AFF1: variants seen among roughly 807,000 people sequenced by gnomAD.
The protein encoded by AFF1 is AF4/FMR2 family member 1.
Under a neutral mutation model 121.7 loss-of-function variants are expected in AFF1, and 48 were observed. The observed-to-expected ratio is 0.39, with a 90% CI of 0.31 to 0.50. The LOEUF (loss-of-function observed/expected upper bound fraction) is 0.50, where lower values mean the gene tolerates loss of function less well. AFF1 is among the 20% of genes least tolerant of loss of function. AFF1 has a pLI of 0.76. For synonymous variants in AFF1, 613 were observed against 563.0 expected (o/e 1.09, Z -1.26); for missense variants, 1,523 against 1,511.7 (o/e 1.01, Z -0.12).
chr4:86,961,777 C>A lies in AFF1; in HGVS notation c.38+13206C>A, dbSNP rs182900785. ...TGAGATGATGTGTGCTCTCTCAGAG[C>A]ACTTTGTGGTCTGTTACAGCATTGC... On this transcript the variant is annotated intron_variant, in intron 2 of 20. Transcript: ENST00000395146. 7.7e-4 allele frequency among the ~76,000 whole-genome samples: 117 copies of A among 152,170 alleles called. 1 individual carries two copies. The South Asian group carries it at 0.012, about 15-fold the overall frequency.
intron 2 of AFF1, among the ~76,000 whole-genome samples, chr4:87,013,666 C>CTTTT (rs11322791): frequency 7.4e-6 from 1 of 135,366 alleles, no homozygotes; most frequent in African/African-American, 2.7e-5. Flanking sequence ...AAGATCTTAC[C>CTTTT]TTTTTTTTTT....
intron 1 of AFF1, among the ~76,000 whole-genome samples, chr4:86,938,449 C>CAAAA (rs35867614): frequency 3.0e-5 from 3 of 100,068 alleles, no homozygotes; most frequent in South Asian, 3.6e-4. Flanking sequence ...GACTCCGTCT[C>CAAAA]AAAAAAAAAA....
intron 2 of AFF1, among the ~76,000 whole-genome samples, chr4:86,964,738 T>C (rs762143574): frequency 7.2e-5 from 11 of 152,326 alleles, no homozygotes; most frequent in Non-Finnish European, 1.6e-4. Flanking sequence ...CCGGCTGTTA[T>C]ATACATCCTT....
chr4:87,016,411 CGTG>C (rs1169057739), intron 2 of AFF1, among the ~76,000 whole-genome samples: 1 of 151,636 alleles, frequency 6.6e-6, no homozygotes, highest in Admixed American at 6.6e-5. Context: ...ATTAGCCAGA[CGTG>C]GTGGCGGGCG....
intron 2 of AFF1, among the ~76,000 whole-genome samples, chr4:87,039,110 A>C (rs577472098): frequency 2.0e-5 from 3 of 152,238 alleles, no homozygotes; most frequent in Non-Finnish European, 4.4e-5. Context: ...TACCAGAGCC[A>C]ACACACTGCC....
At chr4:86,954,426 G>A (rs1220050536) in intron 2 of AFF1, among the ~76,000 whole-genome samples, 1 of 152,144 alleles carries the variant, frequency 6.6e-6, no homozygotes, top group Non-Finnish European at 1.5e-5. Flanking sequence ...AAAAGAAAAT[G>A]TTATTAAAAT....
intron 2 of AFF1, chr4:87,007,130 C>G (rs1726216519): frequency 2.4e-6 from 3 of 1,268,354 alleles, no homozygotes; most frequent in African/African-American, 1.6e-5. Context: ...GCCCCGGATT[C>G]GGACGCGGCG....
intron 2 of AFF1, among the ~76,000 whole-genome samples, chr4:86,957,628 T>C (rs2149462941): frequency 6.6e-6 from 1 of 152,146 alleles, no homozygotes; most frequent in African/African-American, 2.4e-5. Context: ...CTGCAACCTC[T>C]GCCTCTTGGG....
rs139454564 is a variant in AFF1 at position 86,953,377 on chromosome 4, T to C, written c.38+4806T>C. On this transcript the variant is annotated intron_variant, in intron 2 of 20. Transcript: ENST00000395146. ...AACTGGTCCAGGACTAGGATATATT[T>C]GCAAAGGAAACAGATGTGTATTGAG... Among the ~76,000 whole-genome samples the C allele has an allele frequency of 2.5e-3, 385 of 152,354 alleles. 5 individuals are homozygous for C. The highest frequency in any genetic ancestry group is 8.1e-3 in the African/African-American group (335 of 41,574).
chr4:86,965,804 C>T (rs1722496824), intron 2 of AFF1, among the ~76,000 whole-genome samples: 1 of 152,078 alleles, frequency 6.6e-6, no homozygotes, highest in East Asian at 1.9e-4. Flanking sequence ...TTCATTGCAC[C>T]CCTGTCCCTC....
chr4:86,999,651 G>A (rs193266729), intron 2 of AFF1, among the ~76,000 whole-genome samples: 3 of 152,342 alleles, frequency 2.0e-5, no homozygotes, highest in Admixed American at 2.0e-4. Flanking sequence ...GTACAAGACA[G>A]CATTTAGATT....
chr4:87,090,140 AGATT>A, intron 6 of AFF1, 70 bp downstream of exon 6: 1 of 1,224,926 alleles, frequency 8.2e-7, no homozygotes, highest in Non-Finnish European at 1.2e-6. Flanking sequence ...GCTGTGAGGC[AGATT>A]GATAAAGTAT....
chr4:87,110,762 A>G (rs1726414922), intron 11 of AFF1, among the ~76,000 whole-genome samples: 1 of 152,168 alleles, frequency 6.6e-6, no homozygotes, highest in Admixed American at 6.5e-5. Flanking sequence ...TCTCAAATAT[A>G]CTAACTTTTG....
chr4:86,998,098 C>CAAAAAAAAAAAAAAAAAAAA (rs56741955), intron 2 of AFF1, among the ~76,000 whole-genome samples: 10 of 91,754 alleles, frequency 1.1e-4, no homozygotes, highest in South Asian at 4.0e-4. Context: ...AACTCCGTCT[C>CAAAAAAAAAAAAAAAAAAAA]AAAAAAAAAA....
chr4:87,086,309 C>T (rs1298549232), intron 5 of AFF1, among the ~76,000 whole-genome samples: 2 of 152,068 alleles, frequency 1.3e-5, no homozygotes, highest in African/African-American at 4.8e-5. Flanking sequence ...GTCAGATGCT[C>T]CTCTTAGGTT....
intron 2 of AFF1, among the ~76,000 whole-genome samples, chr4:87,012,461 CTT>C (rs897912989): frequency 6.6e-6 from 1 of 152,052 alleles, no homozygotes; most frequent in African/African-American, 2.4e-5. Context: ...AGTATAATCT[CTT>C]TGTTGTGGTT....
At chr4:87,032,533 A>G (rs1729178156) in intron 2 of AFF1, among the ~76,000 whole-genome samples, 1 of 152,220 alleles carries the variant, frequency 6.6e-6, no homozygotes, top group African/African-American at 2.4e-5. Flanking sequence ...TGCTTTGTGT[A>G]ATATGCAAAT....
chr4:86,948,624 T>C, intron 2 of AFF1, 53 bp downstream of exon 2: 1 of 1,488,238 alleles, frequency 6.7e-7, no homozygotes, highest in Non-Finnish European at 9.0e-7. Flanking sequence ...TTTTATAATC[T>C]ACTTTTCAAT....
intron 16 of AFF1, 50 bp downstream of exon 16, chr4:87,127,753 A>C: frequency 6.2e-7 from 1 of 1,601,174 alleles, no homozygotes; most frequent in Non-Finnish European, 8.5e-7. Flanking sequence ...TGATAGTAAA[A>C]AAAATTTTTG....
Sources: gnomAD v4.1 joint callset for allele counts (sites outside exome capture counted in the v4.1 genomes callset) on GRCh38, gnomAD v4.1.1 for gene constraint, MANE v1.5 for transcripts, NCBI Gene and HGNC (gene_info 2026-07-23, HGNC 2026-07-21) for gene names.